Variants in COL5A2 observed in about 807,000 individuals in gnomAD.
COL5A2 encodes the protein collagen type V alpha 2 chain, also known as collagen alpha-2(V) chain.
A neutral mutation model predicts 208.2 loss-of-function variants in COL5A2; 23 were observed. The observed-to-expected ratio is 0.11, with a 90% CI of 0.08 to 0.16. COL5A2 has a LOEUF of 0.16. COL5A2 is among the 10% of genes least tolerant of loss of function. The probability of loss-of-function intolerance (pLI) is 1.00; values close to 1 mark genes in which losing one functional copy is unlikely to be tolerated. For missense variants in COL5A2, 1,590 were observed against 1,956.4 expected, an observed-to-expected ratio of 0.81 and a Z score of 3.53; for synonymous variants, 625 against 628.5, an observed-to-expected ratio of 0.99 and a Z score of 0.08.
At chr2:189,363,687 T>C in the COL5A2 span, among the ~76,000 whole-genome samples, 2 of 152,140 alleles carry the variant, frequency 1.3e-5, no homozygotes, top group African/African-American at 2.4e-5. Flanking sequence ...AGAAAGATTA[T>C]CAAATAACAG....
chr2:189,105,642 T>C (rs1367675453), intron 2 of COL5A2, among the ~76,000 whole-genome samples: 1 of 151,552 alleles, frequency 6.6e-6, no homozygotes, highest in Non-Finnish European at 1.5e-5. Flanking sequence ...TCTACTTTGC[T>C]CATTTTTTGT....
chr2:189,247,442 A>G, the COL5A2 span, among the ~76,000 whole-genome samples: 1 of 152,292 alleles, frequency 6.6e-6, no homozygotes, highest in East Asian at 1.9e-4. Context: ...TTTGAGTCCG[A>G]AAAGTTCCAC....
intron 1 of COL5A2, among the ~76,000 whole-genome samples, chr2:189,139,316 G>T (rs1258804274): frequency 6.6e-6 from 1 of 152,198 alleles, no homozygotes; most frequent in South Asian, 2.1e-4. Flanking sequence ...TTTAATATCA[G>T]TAATAATAAT....
chr2:189,250,997 C>A, the COL5A2 span, among the ~76,000 whole-genome samples: 1 of 152,064 alleles, frequency 6.6e-6, no homozygotes, highest in Non-Finnish European at 1.5e-5. Context: ...CAGAAGTCTA[C>A]CCTGCTTAAC....
intron 1 of COL5A2, among the ~76,000 whole-genome samples, chr2:189,178,980 G>C (rs1383220528): frequency 6.6e-6 from 1 of 152,098 alleles, no homozygotes; most frequent in African/African-American, 2.4e-5. Flanking sequence ...ATGGTAAAAA[G>C]AAGTTTAAAT....
intron 41 of COL5A2, 63 bp from the exon 42 acceptor site, chr2:189,051,544 C>A: frequency 6.8e-7 from 1 of 1,460,796 alleles, no homozygotes; most frequent in Non-Finnish European, 9.2e-7. Context: ...GAGTGATTGA[C>A]ATAACGCTGT....
chr2:189,166,229 CCT>C (rs1384416063), intron 1 of COL5A2, among the ~76,000 whole-genome samples: 1 of 152,060 alleles, frequency 6.6e-6, no homozygotes, highest in Non-Finnish European at 1.5e-5. Flanking sequence ...CTCTCCATAC[CCT>C]CTCTCCTGTC....
intron 6 of COL5A2, among the ~76,000 whole-genome samples, chr2:189,093,358 T>G (rs536622531): frequency 3.3e-5 from 5 of 152,284 alleles, no homozygotes; most frequent in Admixed American, 3.3e-4. Flanking sequence ...AAGGGAAATA[T>G]GGTAAATGAA....
the COL5A2 span, among the ~76,000 whole-genome samples, chr2:189,403,768 T>A: frequency 6.6e-6 from 1 of 152,258 alleles, no homozygotes; most frequent in Non-Finnish European, 1.5e-5. Context: ...GGATGAAGCC[T>A]ACTTAATTGT....
In COL5A2 at chr2:189,223,928, G is replaced by A. The variant is rs1689380361; in HGVS notation, c.-42+1220C>T. ...TGTGGGTTGTACACAAATTATACAC[G>A]TACTTTTCTGTATGTACACTATACT... On this transcript the variant is annotated intron_variant, in intron 1 of 10. Coordinates refer to the COL5A2 transcript ENST00000649966. 2.0e-5 allele frequency among the ~76,000 whole-genome samples: 3 copies of A among 152,166 alleles called. No individual in the cohort carries two copies. The South Asian group carries it at 6.2e-4, about 32-fold the overall frequency.
the COL5A2 span, among the ~76,000 whole-genome samples, chr2:189,359,868 G>A: frequency 6.6e-6 from 1 of 152,092 alleles, no homozygotes; most frequent in Non-Finnish European, 1.5e-5. Flanking sequence ...AGTTACCATA[G>A]TAGTCTCTAA....
chr2:189,102,873 C>G (rs1480893786), intron 3 of COL5A2, among the ~76,000 whole-genome samples: 1 of 152,026 alleles, frequency 6.6e-6, no homozygotes, highest in Admixed American at 6.6e-5. Context: ...TACCTGATGA[C>G]AAATGAAAAC....
chr2:189,414,068 G>A, the COL5A2 span, among the ~76,000 whole-genome samples: 1,109 of 152,018 alleles, frequency 7.3e-3, 14 homozygotes, highest in African/African-American at 0.025. Flanking sequence ...CTGGGACTAC[G>A]GGCGTGAGCC....
At chr2:189,165,756 A>G (rs1197125667) in intron 1 of COL5A2, among the ~76,000 whole-genome samples, 1 of 152,234 alleles carries the variant, frequency 6.6e-6, no homozygotes, top group African/African-American at 2.4e-5. Flanking sequence ...AGTAAATGGA[A>G]AAGAAGTGCT....
intron 1 of COL5A2, among the ~76,000 whole-genome samples, chr2:189,157,084 TA>T (rs1159185251): frequency 1.2e-5 from 1 of 81,828 alleles, no homozygotes; most frequent in Non-Finnish European, 2.4e-5. Flanking sequence ...CTGCAAAATT[TA>T]ATGAAACTTC....
chr2:189,359,457 G>C, the COL5A2 span, among the ~76,000 whole-genome samples: 16 of 152,100 alleles, frequency 1.1e-4, no homozygotes, highest in Admixed American at 1.0e-3. Context: ...TTTAAATGCT[G>C]TTGAATTCAA....
chr2:189,127,684 A>G (rs564118831), intron 1 of COL5A2, among the ~76,000 whole-genome samples: 8 of 152,064 alleles, frequency 5.3e-5, no homozygotes, highest in South Asian at 2.1e-4. Context: ...AAAAATAAGT[A>G]TGTGTTATTT....
chr2:189,088,601 G>T (rs1686716267), intron 8 of COL5A2, 94 bp downstream of exon 8: 2 of 886,728 alleles, frequency 2.3e-6, no homozygotes, highest in South Asian at 2.7e-5. Flanking sequence ...TTAAGAAGAT[G>T]CATGTTATTC....
chr2:189,197,002 AT>A (rs1252769834), intron 1 of COL5A2, among the ~76,000 whole-genome samples: 3 of 151,752 alleles, frequency 2.0e-5, no homozygotes, highest in African/African-American at 4.9e-5. Flanking sequence ...ACACACGTAT[AT>A]TTTTTTTGCA....
Sources: gnomAD v4.1 joint callset for allele counts (sites outside exome capture counted in the v4.1 genomes callset) on GRCh38, gnomAD v4.1.1 for gene constraint, MANE v1.5 for transcripts, NCBI Gene and HGNC (gene_info 2026-07-23, HGNC 2026-07-21) for gene names.